Variants in FAM178B observed in about 807,000 individuals in gnomAD.
The protein encoded by FAM178B is family with sequence similarity 178 member B.
Under a neutral mutation model 91.7 loss-of-function variants are expected in FAM178B, and 82 were observed. The observed-to-expected ratio is 0.89, with a 90% CI of 0.75 to 1.07. The LOEUF is 1.07. Among genes scored for constraint, FAM178B ranks in the 50% least tolerant of loss-of-function variants. FAM178B has a pLI of 0.00. For missense variants in FAM178B, 769 were observed against 846.7 expected (o/e 0.91, Z 1.14); for synonymous variants, 368 against 359.4 (o/e 1.02, Z -0.27).
At chr2:96,964,186 AAAAG>A (rs2082116381) in intron 5 of FAM178B, among the ~76,000 whole-genome samples, 1 of 145,346 alleles carries the variant, frequency 6.9e-6, no homozygotes, top group South Asian at 2.1e-4. Context: ...AAAATAAAAT[AAAAG>A]AGAGAGATGA....
At chr2:96,948,910 T>C (rs1453708046) in intron 7 of FAM178B, among the ~76,000 whole-genome samples, 1 of 152,014 alleles carries the variant, frequency 6.6e-6, no homozygotes, top group South Asian at 2.1e-4. Flanking sequence ...TGGGGGCAAA[T>C]ACTCTCCCTC....
chr2:96,935,403 C>T (rs907577978), intron 8 of FAM178B, among the ~76,000 whole-genome samples: 4 of 152,116 alleles, frequency 2.6e-5, no homozygotes, highest in Non-Finnish European at 5.9e-5. Context: ...CCAGCTATTA[C>T]GGCTCAGCTC....
chr2:96,963,429 T>C (rs1162486231), intron 5 of FAM178B, among the ~76,000 whole-genome samples: 6 of 152,208 alleles, frequency 3.9e-5, no homozygotes, highest in Non-Finnish European at 7.3e-5. Context: ...TCAGTCTACA[T>C]GCCCCACCAT....
Position 96,893,936 on chromosome 2 carries a change from A to G in FAM178B, c.1766T>C (p.Leu589Pro). 1 of 1,612,402 alleles carries G rather than the reference A, an allele frequency of 6.2e-7. No homozygotes were observed. Among genetic ancestry groups the G allele is most frequent in the Non-Finnish European group, 8.5e-7 (1 of 1,179,414 alleles). ...TGGGTGCTCACTCACCTTGTGGTCT[A>G]GCTCGGCACTAGCCTTTGGCTGTTG... ...QEQQPKASAE[L>P]DHKACYLCHS... The change falls in exon 14 of 17, where the codon CTA (leucine) becomes CCA (proline). Residue 589 changes from leucine (L) to proline (P), a missense_variant. By Grantham distance (98) the Leu-to-Pro change is moderately conservative. Coordinates refer to ENST00000490605, the MANE Select transcript of FAM178B (RefSeq NM_001122646.3).
intron 1 of FAM178B, among the ~76,000 whole-genome samples, chr2:96,977,576 A>C (rs1442672686): frequency 6.6e-6 from 1 of 151,894 alleles, no homozygotes; most frequent in Non-Finnish European, 1.5e-5. Flanking sequence ...CTACCAACTA[A>C]ACCAAGCAAA....
At chr2:96,897,317 C>G (rs184209222) in intron 13 of FAM178B, among the ~76,000 whole-genome samples, 6 of 152,318 alleles carry the variant, frequency 3.9e-5, no homozygotes, top group Admixed American at 1.3e-4. Context: ...GTCAAATGAA[C>G]AAATGATTGA....
intron 12 of FAM178B, among the ~76,000 whole-genome samples, chr2:96,907,154 G>A (rs2081072170): frequency 6.6e-6 from 1 of 152,114 alleles, no homozygotes; most frequent in Non-Finnish European, 1.5e-5. Context: ...CCCCCTTGCT[G>A]TCCCCGCCTG....
intron 13 of FAM178B, among the ~76,000 whole-genome samples, chr2:96,894,412 CCACCCACT>C (rs2080761946): frequency 8.5e-6 from 1 of 117,778 alleles, no homozygotes; most frequent in African/African-American, 3.2e-5. Flanking sequence ...CTCCCACCCC[CCACCCACT>C]CACCCACGTA....
At chr2:96,903,663 C>T (rs1378993211) in intron 12 of FAM178B, among the ~76,000 whole-genome samples, 1 of 152,182 alleles carries the variant, frequency 6.6e-6, no homozygotes, top group East Asian at 1.9e-4. Flanking sequence ...AAGAGGAAGC[C>T]ACAGGGAGGC....
chr2:96,906,814 A>AAC (rs10647393), intron 12 of FAM178B, among the ~76,000 whole-genome samples: 18,673 of 152,216 alleles, frequency 0.12, 1,238 homozygotes, highest in Middle Eastern at 0.23. Context: ...CTGGGCCGGG[A>AAC]ACACAGTGGG....
chr2:96,919,122 A>G (rs1263105413), intron 12 of FAM178B, among the ~76,000 whole-genome samples: 1 of 152,172 alleles, frequency 6.6e-6, no homozygotes, highest in African/African-American at 2.4e-5. Flanking sequence ...GGGGTTCTGG[A>G]CTGTGGTCGC....
chr2:96,925,151 G>A (rs11889101), intron 9 of FAM178B, among the ~76,000 whole-genome samples: 14,436 of 152,170 alleles, frequency 0.095, 1,360 homozygotes, highest in African/African-American at 0.25. Context: ...CGTGCAACAC[G>A]CGCAGCCATA....
intron 14 of FAM178B, 105 bp from the exon 15 acceptor site, chr2:96,878,598 A>AG (rs1276424560): frequency 2.9e-6 from 3 of 1,036,584 alleles, no homozygotes; most frequent in Non-Finnish European, 4.4e-6. Context: ...CAGGCCAGGC[A>AG]GGGGCTCAGT....
At chr2:96,876,429 G>T in intron 16 of FAM178B, 121 bp from the exon 17 acceptor site, 1 of 1,260,016 alleles carries the variant, frequency 7.9e-7, no homozygotes, top group South Asian at 1.3e-5. Flanking sequence ...CAGGGGCCGA[G>T]TGAGCAGGAT....
intron 1 of FAM178B, among the ~76,000 whole-genome samples, chr2:96,976,097 CTTT>C (rs757487916): frequency 2.8e-5 from 4 of 142,354 alleles, no homozygotes; most frequent in Non-Finnish European, 3.1e-5. Flanking sequence ...TAAAACAATT[CTTT>C]TTTTTTTTTT....
chr2:96,916,845 G>C (rs1172982632), intron 12 of FAM178B, among the ~76,000 whole-genome samples: 1 of 152,214 alleles, frequency 6.6e-6, no homozygotes, highest in African/African-American at 2.4e-5. Flanking sequence ...AGCAGACAAA[G>C]AGTGTGACAG....
chr2:96,899,679 T>A (rs761688831), intron 13 of FAM178B, among the ~76,000 whole-genome samples: 40 of 151,304 alleles, frequency 2.6e-4, no homozygotes, highest in Non-Finnish European at 4.9e-4. Flanking sequence ...TCTTCCCACA[T>A]CAGCATCCCC....
chr2:96,983,170 C>T (rs1364850396), intron 1 of FAM178B, among the ~76,000 whole-genome samples: 2 of 152,040 alleles, frequency 1.3e-5, no homozygotes. Flanking sequence ...AGCCACCATG[C>T]CTGGCTCTAA....
intron 8 of FAM178B, among the ~76,000 whole-genome samples, chr2:96,934,164 G>A (rs2081587911): frequency 6.6e-6 from 1 of 152,158 alleles, no homozygotes; most frequent in African/African-American, 2.4e-5. Flanking sequence ...GTGTTGGGTG[G>A]GGGACACACA....
Sources: allele counts gnomAD v4.1 joint callset (sites outside exome capture counted in the v4.1 genomes callset), GRCh38; gene constraint gnomAD v4.1.1; transcripts MANE v1.5; gene names NCBI Gene and HGNC (gene_info 2026-07-23, HGNC 2026-07-21).